The following BCAS3 variants were observed in gnomAD, a reference collection of about 807,000 sequenced individuals.
BCAS3 encodes BCAS3 microtubule associated cell migration factor.
Under a neutral mutation model 116.1 loss-of-function variants are expected in BCAS3, and 53 were observed. The observed-to-expected ratio is 0.46, with a 90% confidence interval of 0.37 to 0.57. The LOEUF (loss-of-function observed/expected upper bound fraction) is 0.57, where lower values mean the gene tolerates loss of function less well. BCAS3 is among the 20% of genes least tolerant of loss of function. The pLI is 0.00. For synonymous variants in BCAS3, 391 were observed against 408.2 expected, an observed-to-expected ratio of 0.96 and a Z score of 0.51; for missense variants, 917 against 1,165.4, an observed-to-expected ratio of 0.79 and a Z score of 3.10.
chr17:60,788,706 C>T (rs2046497286), intron 6 of BCAS3, among the ~76,000 whole-genome samples: 1 of 152,010 alleles, frequency 6.6e-6, no homozygotes, highest in Admixed American at 6.6e-5. Flanking sequence ...TTTATCTCAT[C>T]TTCCACTTCA....
intron 22 of BCAS3, among the ~76,000 whole-genome samples, chr17:61,270,752 T>C (rs2050170270): frequency 6.6e-6 from 1 of 152,180 alleles, no homozygotes; most frequent in Admixed American, 6.5e-5. Context: ...GTTTTGTTTG[T>C]TTGTTTTGAG....
At chr17:60,734,418 C>T (rs939044905) in intron 5 of BCAS3, among the ~76,000 whole-genome samples, 2 of 152,256 alleles carry the variant, frequency 1.3e-5, no homozygotes, top group African/African-American at 4.8e-5. Context: ...GTGTGAACCA[C>T]TGTGCCCAGA....
At position 61,083,302 on chromosome 17, in the gene BCAS3, T is replaced by C. The variant is rs2378787; in HGVS notation, c.2328-1165T>C. On this transcript the variant is annotated intron_variant, in intron 21 of 23. Coordinates refer to ENST00000407086, the MANE Select transcript of BCAS3 (RefSeq NM_017679.5). The surrounding 1 kb of genome is among the most constrained non-coding windows in gnomAD (Gnocchi z 4.9). The stretch of plus-strand genomic sequence containing the variant: ...ATTTACACTTTAGTTTTATTTTGCA[T>C]TGTCATGAATGTTCATGTGCTATGT... Among the ~76,000 whole-genome samples, 4,222 of 152,308 alleles carry C rather than the reference T, an allele frequency of 0.028. 197 individuals are homozygous for C. Among genetic ancestry groups the C allele is most frequent in the African/African-American group, 0.095 (3,961 of 41,536 alleles).
intron 22 of BCAS3, among the ~76,000 whole-genome samples, chr17:61,230,102 G>C (rs1028249615): frequency 6.6e-6 from 1 of 151,874 alleles, no homozygotes; most frequent in Non-Finnish European, 1.5e-5. Flanking sequence ...TCCAGCCTGG[G>C]TGACAGAGCG....
Position 61,372,613 on chromosome 17 carries a change from G to A in BCAS3, c.2593+4119G>A, listed in dbSNP as rs556737237. Among the ~76,000 whole-genome samples, 7 of 152,076 alleles carry A rather than the reference G, an allele frequency of 4.6e-5. No individual in the cohort carries two copies. In the East Asian group the frequency reaches 1.4e-3, roughly 29 times the overall value. ...CCCTTTGAGACCAGCCACTGCCCTC[G>A]CTCCAGACTCATCTCTTGCTGCCCT... On this transcript the variant is annotated intron_variant, in intron 23 of 23. Coordinates refer to ENST00000407086, the MANE Select transcript of BCAS3 (RefSeq NM_017679.5).
Position 61,377,189 on chromosome 17 carries a change from A to G in BCAS3, c.2593+8695A>G, listed in dbSNP as rs751061134. Among the ~76,000 whole-genome samples, 10 of 152,160 alleles carry G rather than the reference A, an allele frequency of 6.6e-5. No homozygotes were observed. The highest frequency in any genetic ancestry group is 1.3e-4 in the Non-Finnish European group (9 of 68,018). Reference sequence around the variant, plus strand: ...GCAAAGCTGGAACTCCCCAGTGCCTAATGCCCTGATTGCTGAGGGTGAGAG... The same window carrying G: ...GCAAAGCTGGAACTCCCCAGTGCCTGATGCCCTGATTGCTGAGGGTGAGAG... On this transcript the variant is annotated intron_variant, in intron 23 of 23. Transcript: ENST00000407086. This position sits in a 1 kb window ranked among gnomAD's most constrained non-coding sequence, Gnocchi z 4.6.
chr17:60,714,523 G>A (rs1036987190), intron 5 of BCAS3, among the ~76,000 whole-genome samples: 1 of 151,944 alleles, frequency 6.6e-6, no homozygotes, highest in South Asian at 2.1e-4. Flanking sequence ...AATGGTGGTG[G>A]CCACCTGTAA....
intron 7 of BCAS3, among the ~76,000 whole-genome samples, chr17:60,859,408 A>G (rs554439525): frequency 2.0e-5 from 3 of 151,978 alleles, no homozygotes; most frequent in Non-Finnish European, 2.9e-5. Context: ...ATGTGAATTC[A>G]TTGTTTAGCT....
chr17:61,065,570 A>G lies in BCAS3; in HGVS notation c.2030-9350A>G, dbSNP rs2070521896. On this transcript the variant is annotated intron_variant, in intron 19 of 23. Coordinates refer to ENST00000407086, the MANE Select transcript of BCAS3 (RefSeq NM_017679.5). This position sits in a 1 kb window ranked among gnomAD's most constrained non-coding sequence, Gnocchi z 4.8. ...TAACTGCAAATTTCTCTGTTGCTAG[A>G]AAAAGGAATGTTGTTCCTCTAAATA... 6.6e-6 allele frequency among the ~76,000 whole-genome samples: 1 copy of G among 152,242 alleles called. No individual in the cohort carries two copies. Among genetic ancestry groups the G allele is most frequent in the Admixed American group, 6.5e-5 (1 of 15,284 alleles).
chr17:61,187,870 A>G (rs943386160), intron 22 of BCAS3, among the ~76,000 whole-genome samples: 3 of 151,840 alleles, frequency 2.0e-5, no homozygotes, highest in African/African-American at 7.3e-5. Context: ...CTCCATTTGT[A>G]TAACATGCCA....
Position 61,084,601 on chromosome 17 carries a change from C to G in BCAS3, c.2425+37C>G. ...CCTCTGAAATATTTATTGGGCAGTC[C>G]TGTGCATTTTTAACTAATTTTCTCG... On this transcript the variant is annotated intron_variant, in intron 22 of 23. Coordinates refer to ENST00000407086, the MANE Select transcript of BCAS3 (RefSeq NM_017679.5). This position sits in a 1 kb window ranked among gnomAD's most constrained non-coding sequence, Gnocchi z 5.5. 6.6e-7 allele frequency: 1 copy of G among 1,509,166 alleles called. No individual in the cohort carries two copies. Among genetic ancestry groups the G allele is most frequent in the Non-Finnish European group, 9.2e-7 (1 of 1,086,548 alleles). 93.5% of individuals were successfully genotyped at this position (1,509,166 alleles called of 1,614,324 possible). A position where few individuals can be genotyped will look rare whatever the true frequency, so the allele number is the denominator to read the frequency against.
intron 7 of BCAS3, among the ~76,000 whole-genome samples, chr17:60,844,737 T>A (rs2052340546): frequency 6.6e-6 from 1 of 152,168 alleles, no homozygotes. Flanking sequence ...ATCTTTTAAT[T>A]GACCTGATGG....
intron 5 of BCAS3, among the ~76,000 whole-genome samples, chr17:60,746,125 CT>C (rs1214728480): frequency 1.3e-5 from 2 of 151,846 alleles, no homozygotes; most frequent in Non-Finnish European, 2.9e-5. Flanking sequence ...GTTGTAAGTT[CT>C]TTTGTATCTT....
intron 22 of BCAS3, among the ~76,000 whole-genome samples, chr17:61,153,654 A>G (rs768315091): frequency 6.6e-6 from 1 of 152,218 alleles, no homozygotes. Context: ...CCCCAGAGGA[A>G]GGTCCTTAAG....
intron 22 of BCAS3, among the ~76,000 whole-genome samples, chr17:61,234,918 C>T (rs564162956): frequency 2.1e-4 from 32 of 151,860 alleles, no homozygotes; most frequent in South Asian, 4.2e-4. Context: ...GACGGAGTCT[C>T]GCTCTGTCAC....
intron 11 of BCAS3, among the ~76,000 whole-genome samples, chr17:60,904,430 AAAC>A (rs2058081129): frequency 6.6e-6 from 1 of 151,720 alleles, no homozygotes; most frequent in African/African-American, 2.4e-5. Context: ...CAAACAAACA[AAAC>A]AACAAAAAAA....
Position 61,388,789 on chromosome 17 carries a change from C to A in BCAS3, c.2594-3188C>A. The A allele has an allele frequency of 7.9e-7, 1 of 1,264,324 alleles. No homozygotes were observed. Among genetic ancestry groups the A allele is most frequent in the Non-Finnish European group, 1.1e-6 (1 of 910,164 alleles). 78.3% of individuals were successfully genotyped at this position (1,264,324 alleles called of 1,614,324 possible). ...ACTTGGAGGGGGGAATCTGAGCAGC[C>A]CTCCTCCCCTCCACTTCCCACACAC... On this transcript the variant is annotated intron_variant, in intron 23 of 23. Coordinates refer to ENST00000407086, the MANE Select transcript of BCAS3 (RefSeq NM_017679.5). The surrounding 1 kb of genome is among the most constrained non-coding windows in gnomAD (Gnocchi z 6.5).
intron 19 of BCAS3, among the ~76,000 whole-genome samples, chr17:61,074,161 G>A (rs1038533593): frequency 2.0e-5 from 3 of 151,240 alleles, no homozygotes; most frequent in African/African-American, 7.3e-5. Context: ...ATGAGGTTGG[G>A]GGGTTATATG....
intron 6 of BCAS3, among the ~76,000 whole-genome samples, chr17:60,790,782 T>C (rs1391305636): frequency 6.7e-6 from 1 of 150,112 alleles, no homozygotes; most frequent in African/African-American, 2.5e-5. Context: ...CTTGCTCTGT[T>C]GTCCAGGTTG....
Sources: gnomAD v4.1 joint callset for allele counts (sites outside exome capture counted in the v4.1 genomes callset) on GRCh38, gnomAD v4.1.1 for gene constraint, Gnocchi (gnomAD v3.1) non-coding constraint, MANE v1.5 for transcripts, NCBI Gene and HGNC (gene_info 2026-07-23, HGNC 2026-07-21) for gene names.